The following SPAG16 variants were observed in gnomAD, a reference collection of about 807,000 sequenced individuals.
SPAG16 encodes the protein sperm-associated antigen 16 protein.
A neutral mutation model predicts 80.4 loss-of-function variants in SPAG16; 86 were observed. The observed-to-expected ratio is 1.07, with a 90% CI of 0.90 to 1.28. The LOEUF (loss-of-function observed/expected upper bound fraction) is 1.28. SPAG16 is among the 50% of genes most tolerant of loss of function. SPAG16 has a pLI of 0.00. For synonymous variants in SPAG16, 294 were observed against 265.9 expected, an observed-to-expected ratio of 1.11 and a Z score of -1.03; for missense variants, 870 against 765.3, an observed-to-expected ratio of 1.14 and a Z score of -1.61.
At chr2:213,485,105 C>T (rs1230172499) in intron 9 of SPAG16, among the ~76,000 whole-genome samples, 1 of 151,474 alleles carries the variant, frequency 6.6e-6, no homozygotes, top group African/African-American at 2.5e-5. Context: ...AGCGATCCTC[C>T]TGCCTCAGCC....
intron 9 of SPAG16, among the ~76,000 whole-genome samples, chr2:213,419,515 G>T (rs55987430): frequency 1.3e-5 from 2 of 151,960 alleles, no homozygotes; most frequent in African/African-American, 4.8e-5. Context: ...TGTAGTACTC[G>T]TGTAGCACTT....
rs3044978 is a variant in SPAG16, at chr2:214,319,502, GAAAAA to G, written c.1721-90626_1721-90622del. Among the ~76,000 whole-genome samples the G allele has an allele frequency of 8.1e-3, 1,188 of 145,896 alleles. 17 individuals carry two copies. Among genetic ancestry groups the G allele is most frequent in the African/African-American group, 0.028 (1,106 of 39,180 alleles). ...ATAACTGAGGCAGAAAGATCCACTG[GAAAAA>G]AAAAAAAAAAACTATAATAGGAATT... On this transcript the variant is annotated intron_variant, in intron 15 of 15. Coordinates refer to ENST00000331683, the MANE Select transcript of SPAG16 (RefSeq NM_024532.5).
intron 9 of SPAG16, among the ~76,000 whole-genome samples, chr2:213,406,287 G>A (rs1187154338): frequency 6.6e-6 from 1 of 152,064 alleles, no homozygotes; most frequent in Admixed American, 6.5e-5. Context: ...GGAGGCAGTG[G>A]GTAGGAATGG....
chr2:213,304,047 T>C (rs2062848611), intron 3 of SPAG16, among the ~76,000 whole-genome samples: 2 of 152,122 alleles, frequency 1.3e-5, no homozygotes, highest in Non-Finnish European at 2.9e-5. Flanking sequence ...CCAGCATTCA[T>C]TATTGGCTAT....
intron 10 of SPAG16, among the ~76,000 whole-genome samples, chr2:213,529,361 C>T (rs1224858473): frequency 6.6e-6 from 1 of 152,126 alleles, no homozygotes; most frequent in Non-Finnish European, 1.5e-5. Context: ...CTGTATTAAA[C>T]CCTGCATTAT....
chr2:213,825,055 C>A (rs1042752963), intron 10 of SPAG16, among the ~76,000 whole-genome samples: 1 of 151,766 alleles, frequency 6.6e-6, no homozygotes, highest in African/African-American at 2.4e-5. Flanking sequence ...TGTAGAAATG[C>A]TACAGATTTT....
In SPAG16 at chr2:213,734,960, T is replaced by C. The variant is rs575491937; in HGVS notation, c.1071-127525T>C. Among the ~76,000 whole-genome samples, 32 of 40,680 alleles carry C rather than the reference T, an allele frequency of 7.9e-4. No homozygotes were observed. In the East Asian group the frequency reaches 0.027, roughly 35 times the overall value. 26.7% of individuals were successfully genotyped at this position (40,680 alleles called of 152,430 possible). A position where few individuals can be genotyped will look rare whatever the true frequency, so the allele number is the denominator to read the frequency against. Reference sequence around the variant, plus strand: ...TCATTATTGTCCCCTAAGGTGCCTTTCTAGATATTTTTTTTTCCTAATTAC... The same window carrying C: ...TCATTATTGTCCCCTAAGGTGCCTTCCTAGATATTTTTTTTTCCTAATTAC... On this transcript the variant is annotated intron_variant, in intron 10 of 15. Transcript: ENST00000331683.
At position 213,632,328 on chromosome 2, in the gene SPAG16, C is replaced by T. The variant is rs184960342; in HGVS notation, c.1070+142238C>T. Among the ~76,000 whole-genome samples the T allele has an allele frequency of 1.1e-4, 17 of 152,094 alleles. No homozygotes were observed. In the East Asian group the frequency reaches 2.7e-3, roughly 24 times the overall value. On this transcript the variant is annotated intron_variant, in intron 10 of 15. Transcript: ENST00000331683. ...TGATATTTGTCTGTTGATTTTGTATCCTGTAACTTTACTGAATTTATCAGT... is the reference window on the plus strand; with the variant it reads ...TGATATTTGTCTGTTGATTTTGTATTCTGTAACTTTACTGAATTTATCAGT...
At chr2:213,857,269 A>G (rs559159632) in intron 10 of SPAG16, among the ~76,000 whole-genome samples, 1 of 152,314 alleles carries the variant, frequency 6.6e-6, no homozygotes, top group South Asian at 2.1e-4. Context: ...TTATTGGAAG[A>G]ACATATTATT....
chr2:214,244,971 T>C (rs1049431864), intron 15 of SPAG16, among the ~76,000 whole-genome samples: 1 of 152,160 alleles, frequency 6.6e-6, no homozygotes, highest in African/African-American at 2.4e-5. Flanking sequence ...CTTTCTTAAC[T>C]ACATTTCCAA....
chr2:214,376,234 T>C (rs1362720324), intron 15 of SPAG16, among the ~76,000 whole-genome samples: 1 of 152,216 alleles, frequency 6.6e-6, no homozygotes, highest in Non-Finnish European at 1.5e-5. Flanking sequence ...TGTATTTAAC[T>C]TATTAGTATA....
At chr2:213,781,477 A>G (rs1244918928) in intron 10 of SPAG16, among the ~76,000 whole-genome samples, 1 of 152,052 alleles carries the variant, frequency 6.6e-6, no homozygotes, top group Non-Finnish European at 1.5e-5. Context: ...TCTGCTATCT[A>G]GAGTGCTCAT....
At chr2:213,611,178 C>G (rs948653042) in intron 10 of SPAG16, among the ~76,000 whole-genome samples, 1 of 152,150 alleles carries the variant, frequency 6.6e-6, no homozygotes, top group Non-Finnish European at 1.5e-5. Context: ...TGTTGTCCCT[C>G]CCACCTTAAT....
intron 10 of SPAG16, among the ~76,000 whole-genome samples, chr2:213,515,181 A>G (rs1434209645): frequency 3.3e-5 from 5 of 152,182 alleles, no homozygotes. Flanking sequence ...ATATATATAA[A>G]CCCATTCTAT....
At chr2:213,720,116 C>T (rs775625388) in intron 10 of SPAG16, among the ~76,000 whole-genome samples, 1 of 152,050 alleles carries the variant, frequency 6.6e-6, no homozygotes, top group Non-Finnish European at 1.5e-5. Context: ...TGTTCTCACT[C>T]ATAAGTGGGA....
At chr2:213,627,635 T>C (rs2062005658) in intron 10 of SPAG16, among the ~76,000 whole-genome samples, 1 of 152,168 alleles carries the variant, frequency 6.6e-6, no homozygotes, top group Non-Finnish European at 1.5e-5. Flanking sequence ...GATGTCAATA[T>C]ATTTCTTGTG....
chr2:213,317,692 A>C, intron 5 of SPAG16: 1 of 991,946 alleles, frequency 1.0e-6, no homozygotes, highest in Non-Finnish European at 1.2e-6. Flanking sequence ...ATAATAATTA[A>C]ATTTATAGAA....
chr2:213,621,059 C>CGT (rs148159509), intron 10 of SPAG16, among the ~76,000 whole-genome samples: 1 of 150,030 alleles, frequency 6.7e-6, no homozygotes. Flanking sequence ...AAACTAAAAA[C>CGT]TAGTTTTAGT....
chr2:214,261,376 C>A (rs893322134), intron 15 of SPAG16, among the ~76,000 whole-genome samples: 1 of 152,102 alleles, frequency 6.6e-6, no homozygotes, highest in African/African-American at 2.4e-5. Context: ...AGAAGGACTT[C>A]TTTTCTAGTC....
Sources: gnomAD v4.1 joint callset for allele counts (sites outside exome capture counted in the v4.1 genomes callset) on GRCh38, gnomAD v4.1.1 for gene constraint, MANE v1.5 for transcripts, NCBI Gene and HGNC (gene_info 2026-07-23, HGNC 2026-07-21) for gene names.